The following PIBF1 variants were observed in gnomAD, a reference collection of about 807,000 sequenced individuals.
The protein encoded by PIBF1 is progesterone-induced-blocking factor 1.
Under a neutral mutation model 112.5 loss-of-function variants are expected in PIBF1, and 90 were observed. That is an observed-to-expected ratio of 0.80 (90% CI 0.67 to 0.95). The LOEUF (loss-of-function observed/expected upper bound fraction) is 0.95. Among genes scored for constraint, PIBF1 ranks in the 40% least tolerant of loss-of-function variants. PIBF1 has a pLI of 0.00. For synonymous variants in PIBF1, 301 were observed against 288.6 expected (o/e 1.04, Z -0.44); for missense variants, 915 against 852.3 (o/e 1.07, Z -0.92).
rs768252916 is a variant in PIBF1 at position 72,827,799 on chromosome 13, A to C, written c.982A>C (p.Met328Leu). 15 of 1,604,920 alleles carry C rather than the reference A, an allele frequency of 9.3e-6. No individual in the cohort carries two copies. The highest frequency in any genetic ancestry group is 1.3e-5 in the Non-Finnish European group (15 of 1,175,738). Residue 328 changes from methionine to leucine, a missense_variant, in exon 8 of 18, where the codon ATG becomes CTG. Transcript: ENST00000326291. Reference protein sequence around the residue: ...KDKEYLNRQNMELSVRCAHEE... With the variant: ...KDKEYLNRQNLELSVRCAHEE... ...TAAAGAATATCTTAATCGCCAAAAC[A>C]TGGAGCTTAGTGTTCGCTGTGCTCA...
intron 5 of PIBF1, among the ~76,000 whole-genome samples, chr13:72,801,392 A>G (rs2035467083): frequency 6.6e-6 from 1 of 152,178 alleles, no homozygotes; most frequent in Admixed American, 6.5e-5. Flanking sequence ...AAAGTTATGT[A>G]ATGAATGCAT....
At chr13:72,961,222 A>G (rs2042596529) in intron 14 of PIBF1, among the ~76,000 whole-genome samples, 1 of 151,392 alleles carries the variant, frequency 6.6e-6, no homozygotes, top group African/African-American at 2.4e-5. Flanking sequence ...TACCCAGCCA[A>G]CCTCATGGCT....
intron 10 of PIBF1, among the ~76,000 whole-genome samples, chr13:72,860,640 A>G (rs770162761): frequency 1.6e-4 from 24 of 152,164 alleles, no homozygotes; most frequent in Non-Finnish European, 2.6e-4. Context: ...CTAGTCAGGT[A>G]TAATTTGTCT....
chr13:72,927,684 A>G (rs924563513), intron 13 of PIBF1, among the ~76,000 whole-genome samples: 2 of 151,748 alleles, frequency 1.3e-5, no homozygotes, highest in Non-Finnish European at 2.9e-5. Context: ...AAGTATTATA[A>G]TGATGAAAAA....
At chr13:72,787,645 G>T (rs1333961533) in intron 2 of PIBF1, among the ~76,000 whole-genome samples, 1 of 152,042 alleles carries the variant, frequency 6.6e-6, no homozygotes, top group Non-Finnish European at 1.5e-5. Context: ...TGGTAGTGCT[G>T]CCATATACTT....
chr13:72,897,208 A>G (rs1323610539), intron 11 of PIBF1, among the ~76,000 whole-genome samples: 1 of 152,230 alleles, frequency 6.6e-6, no homozygotes, highest in Non-Finnish European at 1.5e-5. Context: ...ACTAAGCATC[A>G]TAAATAAAGG....
intron 16 of PIBF1, among the ~76,000 whole-genome samples, chr13:72,995,363 C>G (rs1363375954): frequency 6.6e-6 from 1 of 151,820 alleles, no homozygotes; most frequent in African/African-American, 2.4e-5. Context: ...CCACGCCTAT[C>G]TCCAAGAATA....
intron 9 of PIBF1, among the ~76,000 whole-genome samples, chr13:72,848,557 A>T (rs2037975375): frequency 6.6e-6 from 1 of 152,206 alleles, no homozygotes; most frequent in Non-Finnish European, 1.5e-5. Context: ...TTAAGAACTT[A>T]ACTCTTGGCC....
chr13:73,003,538 G>A (rs975772735), intron 17 of PIBF1, among the ~76,000 whole-genome samples: 5 of 151,984 alleles, frequency 3.3e-5, no homozygotes, highest in Non-Finnish European at 4.4e-5. Context: ...TTACAGGTGT[G>A]AGCCACCGCA....
chr13:72,973,539 CTATATT>C, intron 15 of PIBF1, 46 bp from the exon 16 acceptor site: 4 of 838,050 alleles, frequency 4.8e-6, no homozygotes, highest in South Asian at 1.6e-5. Flanking sequence ...CATTTATTAA[CTATATT>C]TATACTAACA....
intron 10 of PIBF1, 116 bp downstream of exon 10, chr13:72,854,271 TAATTTTCATTTCAATAATTTTCATTTC>T: frequency 1.6e-6 from 1 of 636,180 alleles, no homozygotes; most frequent in East Asian, 2.8e-5. Context: ...GAGGAGAGAC[TAATTTTCATTTCAATAATTTTCATTTC>T]AATTTTCATT....
At chr13:72,940,644 ATAGT>A (rs1451529683) in intron 14 of PIBF1, among the ~76,000 whole-genome samples, 1 of 152,132 alleles carries the variant, frequency 6.6e-6, no homozygotes, top group Non-Finnish European at 1.5e-5. Flanking sequence ...GTTCTGGGAC[ATAGT>A]TAGGTTTCTT....
intron 10 of PIBF1, among the ~76,000 whole-genome samples, chr13:72,890,693 A>G (rs1410388435): frequency 6.6e-6 from 1 of 152,140 alleles, no homozygotes; most frequent in Non-Finnish European, 1.5e-5. Context: ...ACCTCAAATA[A>G]GATGTTCAGA....
chr13:72,927,968 T>TAC (rs1198748743), intron 13 of PIBF1, among the ~76,000 whole-genome samples: 9 of 122,474 alleles, frequency 7.3e-5, no homozygotes, highest in Non-Finnish European at 1.0e-4. Flanking sequence ...TACACATATA[T>TAC]ATATATATAC....
rs1415303716 is a variant in PIBF1, at chr13:72,927,101, G to A, written c.1731-4064G>A. ...TTTTGAAACAGAGTCTCACTCAGTT[G>A]CCTAGGCTGTAGTGCAGTGGCACGA... On this transcript the variant is annotated intron_variant, in intron 13 of 17. Coordinates refer to ENST00000326291, the MANE Select transcript of PIBF1 (RefSeq NM_006346.4). 2.1e-5 allele frequency among the ~76,000 whole-genome samples: 3 copies of A among 144,978 alleles called. No individual in the cohort carries two copies. In the East Asian group the frequency reaches 6.0e-4, roughly 29 times the overall value.
intron 14 of PIBF1, among the ~76,000 whole-genome samples, chr13:72,945,550 A>G (rs901784913): frequency 6.6e-6 from 1 of 152,158 alleles, no homozygotes; most frequent in Non-Finnish European, 1.5e-5. Flanking sequence ...ACCAGTTTTG[A>G]CTTTTTAATA....
intron 5 of PIBF1, among the ~76,000 whole-genome samples, chr13:72,806,960 C>T (rs1377471555): frequency 6.6e-6 from 1 of 150,714 alleles, no homozygotes; most frequent in Non-Finnish European, 1.5e-5. Flanking sequence ...AATTGTCTTT[C>T]ACAGTCAGGT....
At chr13:72,827,312 G>A (rs9543131) in intron 7 of PIBF1, among the ~76,000 whole-genome samples, 194 bp downstream of exon 7, 16,342 of 141,322 alleles carry the variant, frequency 0.12, 1,234 homozygotes, top group Non-Finnish European at 0.17. Flanking sequence ...GCAGTGGTGC[G>A]ATCTTGGCTC....
chr13:72,860,308 GGTGTGTGTGTGTGTGTGTGTGT>G (rs3219561), intron 10 of PIBF1, among the ~76,000 whole-genome samples: 17 of 143,148 alleles, frequency 1.2e-4, no homozygotes, highest in Admixed American at 2.8e-4. Context: ...TTTTTTTAGG[GGTGTGTGTGTGTGTGTGTGTGT>G]GTGTGTGTGT....
Sources: allele counts gnomAD v4.1 joint callset (sites outside exome capture counted in the v4.1 genomes callset), GRCh38; gene constraint gnomAD v4.1.1; transcripts MANE v1.5; gene names NCBI Gene and HGNC (gene_info 2026-07-23, HGNC 2026-07-21).